The following NCAM2 variants were observed in gnomAD, a reference collection of about 807,000 sequenced individuals.
The protein encoded by NCAM2 is neural cell adhesion molecule 2.
In NCAM2, 30 loss-of-function variants were observed where a neutral mutation model predicts 98.1. That is an observed-to-expected ratio of 0.31 (90% CI 0.23 to 0.41). NCAM2 has a LOEUF of 0.41. NCAM2 is among the 10% of genes least tolerant of loss of function. The pLI is 1.00. For synonymous variants in NCAM2, 368 were observed against 342.4 expected, an observed-to-expected ratio of 1.07 and a Z score of -0.83; for missense variants, 867 against 1,005.8, an observed-to-expected ratio of 0.86 and a Z score of 1.87.
At chr21:21,375,637 C>CT (rs1269296943) in intron 9 of NCAM2, among the ~76,000 whole-genome samples, 2 of 151,394 alleles carry the variant, frequency 1.3e-5, no homozygotes. Context: ...ATTATAAATA[C>CT]TTTACACTTT....
chr21:21,059,674 G>A (rs548834682), intron 1 of NCAM2, among the ~76,000 whole-genome samples: 1 of 152,188 alleles, frequency 6.6e-6, no homozygotes, highest in Non-Finnish European at 1.5e-5. Flanking sequence ...GATTTTAGAT[G>A]AACAGACATT....
At chr21:21,204,915 T>C (rs2069376864) in intron 1 of NCAM2, among the ~76,000 whole-genome samples, 1 of 151,586 alleles carries the variant, frequency 6.6e-6, no homozygotes, top group African/African-American at 2.4e-5. Flanking sequence ...ATTTCCACTT[T>C]CCGTTCACTC....
At chr21:21,347,157 TAC>T (rs1006664626) in intron 8 of NCAM2, among the ~76,000 whole-genome samples, 101 of 151,846 alleles carry the variant, frequency 6.7e-4, no homozygotes, top group African/African-American at 2.3e-3. Context: ...TACAAGTAAA[TAC>T]AGTTATAAAT....
chr21:21,313,269 A>C (rs117097834), intron 5 of NCAM2, among the ~76,000 whole-genome samples: 2,709 of 151,350 alleles, frequency 0.018, 36 homozygotes, highest in Non-Finnish European at 0.024. Flanking sequence ...ATTTTTGCTT[A>C]TTTTGCTCTT....
chr21:21,096,086 T>C (rs1025583176), intron 1 of NCAM2, among the ~76,000 whole-genome samples: 2 of 151,676 alleles, frequency 1.3e-5, no homozygotes. Flanking sequence ...TTTGTCTTTG[T>C]CTTTCAGAAA....
At chr21:21,329,886 A>G (rs933624667) in intron 6 of NCAM2, among the ~76,000 whole-genome samples, 3 of 152,132 alleles carry the variant, frequency 2.0e-5, no homozygotes, top group African/African-American at 7.2e-5. Flanking sequence ...TAGATGATTA[A>G]CGCAATTCCA....
At chr21:21,184,602 T>A (rs1016733911) in intron 1 of NCAM2, among the ~76,000 whole-genome samples, 1 of 152,138 alleles carries the variant, frequency 6.6e-6, no homozygotes, top group Non-Finnish European at 1.5e-5. Context: ...TTGTTAATAA[T>A]AACTAATCCA....
intron 1 of NCAM2, among the ~76,000 whole-genome samples, chr21:21,000,893 T>TA (rs1224612484): frequency 2.0e-5 from 3 of 152,132 alleles, no homozygotes; most frequent in Non-Finnish European, 2.9e-5. Flanking sequence ...GGGAGCTGTT[T>TA]AAAAAAACAG....
intron 1 of NCAM2, among the ~76,000 whole-genome samples, chr21:21,041,480 A>G (rs551388128): frequency 2.0e-5 from 3 of 152,316 alleles, no homozygotes; most frequent in Admixed American, 6.5e-5. Context: ...AAGAGCATTA[A>G]AAGTGGAATT....
intron 1 of NCAM2, among the ~76,000 whole-genome samples, chr21:21,201,576 C>T (rs1231848837): frequency 1.3e-5 from 2 of 152,174 alleles, no homozygotes; most frequent in Non-Finnish European, 2.9e-5. Flanking sequence ...CTGGAAGACT[C>T]AGGCTGATTA....
chr21:21,138,311 T>C (rs2146643756), intron 1 of NCAM2, among the ~76,000 whole-genome samples: 1 of 152,308 alleles, frequency 6.6e-6, no homozygotes, highest in East Asian at 1.9e-4. Context: ...ATTGCAGTAC[T>C]TTTTAAACCT....
chr21:21,074,287 T>G (rs192900374), intron 1 of NCAM2, among the ~76,000 whole-genome samples: 1 of 152,160 alleles, frequency 6.6e-6, no homozygotes, highest in Non-Finnish European at 1.5e-5. Flanking sequence ...AAATAAATTT[T>G]ACATTTATTT....
intron 8 of NCAM2, among the ~76,000 whole-genome samples, chr21:21,351,309 A>G (rs11088861): frequency 0.57 from 86,027 of 151,782 alleles, 24,596 homozygotes; most frequent in Admixed American, 0.65. Context: ...TAATTGATGT[A>G]CAGTAGTAGG....
chr21:21,360,117 C>A (rs2075605436), intron 8 of NCAM2, among the ~76,000 whole-genome samples: 1 of 151,718 alleles, frequency 6.6e-6, no homozygotes, highest in Non-Finnish European at 1.5e-5. Flanking sequence ...CTTAAGCATG[C>A]AACAAAAACC....
intron 1 of NCAM2, among the ~76,000 whole-genome samples, chr21:21,209,358 G>A (rs544483875): frequency 6.6e-6 from 1 of 152,314 alleles, no homozygotes; most frequent in Non-Finnish European, 1.5e-5. Flanking sequence ...TCCGACTATA[G>A]ATGTACAACA....
intron 1 of NCAM2, among the ~76,000 whole-genome samples, chr21:21,060,236 C>A (rs926760792): frequency 6.6e-6 from 1 of 152,004 alleles, no homozygotes; most frequent in Non-Finnish European, 1.5e-5. Flanking sequence ...CTTACCACAT[C>A]ACTAAAAAAC....
chr21:21,017,875 G>A (rs970409441), intron 1 of NCAM2, among the ~76,000 whole-genome samples: 1 of 152,038 alleles, frequency 6.6e-6, no homozygotes, highest in Non-Finnish European at 1.5e-5. Context: ...ATTTGTGTGT[G>A]TGTATATACT....
At chr21:21,516,805 A>G (rs567263207) in intron 16 of NCAM2, among the ~76,000 whole-genome samples, 5 of 152,150 alleles carry the variant, frequency 3.3e-5, no homozygotes, top group African/African-American at 7.2e-5. Flanking sequence ...AAATTCTCAA[A>G]CCATCTTGGA....
intron 5 of NCAM2, among the ~76,000 whole-genome samples, chr21:21,313,399 G>A (rs1380291426): frequency 2.6e-5 from 4 of 151,620 alleles, no homozygotes; most frequent in East Asian, 3.9e-4. Flanking sequence ...TGCACATGTA[G>A]GATTGTCATA....
Sources: allele counts gnomAD v4.1 joint callset (sites outside exome capture counted in the v4.1 genomes callset), GRCh38; gene constraint gnomAD v4.1.1; transcripts MANE v1.5; gene names NCBI Gene and HGNC (gene_info 2026-07-23, HGNC 2026-07-21).